Variants in JAM3 observed in about 807,000 individuals in gnomAD.
The protein encoded by JAM3 is junctional adhesion molecule C.
A neutral mutation model predicts 39.4 loss-of-function variants in JAM3; 31 were observed. The observed-to-expected ratio is 0.79, with a 90% confidence interval of 0.59 to 1.06. JAM3 has a LOEUF of 1.06. JAM3 is among the 50% of genes least tolerant of loss of function. JAM3 has a pLI of 0.00. For missense variants in JAM3, 455 were observed against 391.4 expected, an observed-to-expected ratio of 1.16 and a Z score of -1.37; for synonymous variants, 182 against 148.7, an observed-to-expected ratio of 1.22 and a Z score of -1.63.
chr11:134,130,084 A>C (rs1392382059), intron 1 of JAM3, among the ~76,000 whole-genome samples: 1 of 152,192 alleles, frequency 6.6e-6, no homozygotes, highest in East Asian at 1.9e-4. Flanking sequence ...TGAAGATGGA[A>C]TTATAAGCAC....
At position 134,138,399 on chromosome 11, in the gene JAM3, CG is replaced by C. The variant is rs1565502910; in HGVS notation, c.77-1451del. 7.4e-3 allele frequency among the ~76,000 whole-genome samples: 845 copies of C among 114,802 alleles called. 33 individuals carry two copies. Among genetic ancestry groups the C allele is most frequent in the African/African-American group, 0.03 (795 of 26,672 alleles). The allele number at this position is 114,802 out of a possible 152,430, so 75.3% of individuals were successfully genotyped here. A position where few individuals can be genotyped will look rare whatever the true frequency, so the allele number is the denominator to read the frequency against. On this transcript the variant is annotated intron_variant, in intron 1 of 8. Transcript: ENST00000299106. ...CTTAGAGCCAGTGGTGGTGTCTCGT[CG>C]AAGTCGTGGTGCTCATACTGGAAGA...
At chr11:134,075,115 A>G (rs1305121457) in intron 1 of JAM3, among the ~76,000 whole-genome samples, 3 of 151,814 alleles carry the variant, frequency 2.0e-5, no homozygotes, top group African/African-American at 4.8e-5. Flanking sequence ...GCAGTAAAGC[A>G]TTCCATGGGC....
chr11:134,074,355 G>A (rs1451580879), intron 1 of JAM3, among the ~76,000 whole-genome samples: 1 of 152,218 alleles, frequency 6.6e-6, no homozygotes, highest in Non-Finnish European at 1.5e-5. Flanking sequence ...TTGGCTTCCA[G>A]TAGATACAAT....
intron 1 of JAM3, among the ~76,000 whole-genome samples, chr11:134,121,863 A>C (rs1298776259): frequency 6.8e-6 from 1 of 148,076 alleles, no homozygotes; most frequent in Non-Finnish European, 1.5e-5. Flanking sequence ...CCTCCTCCCA[A>C]ACAAAATTCA....
At chr11:134,089,493 G>A (rs1284707031) in intron 1 of JAM3, among the ~76,000 whole-genome samples, 3 of 151,946 alleles carry the variant, frequency 2.0e-5, no homozygotes, top group Non-Finnish European at 4.4e-5. Flanking sequence ...GGTGTTTGAT[G>A]TTCCCCTTCC....
chr11:134,111,465 A>C (rs1316831757), intron 1 of JAM3, among the ~76,000 whole-genome samples: 1 of 152,170 alleles, frequency 6.6e-6, no homozygotes, highest in African/African-American at 2.4e-5. Flanking sequence ...TTGTGCCATT[A>C]TGCACAATCA....
rs187855055 is a variant in JAM3 at position 134,136,910 on chromosome 11, G to A, written c.77-2941G>A. ...GGACGGATCACAAGGTCAGGAGATC[G>A]AGACCATCCTGGCTAACACGGTGAA... On this transcript the variant is annotated intron_variant, in intron 1 of 8. Coordinates refer to ENST00000299106, the MANE Select transcript of JAM3 (RefSeq NM_032801.5). Among the ~76,000 whole-genome samples the A allele has an allele frequency of 1.7e-3, 261 of 152,202 alleles. 5 individuals carry two copies. In the South Asian group the frequency reaches 0.026, roughly 15 times the overall value.
chr11:134,139,958 C>G, intron 2 of JAM3, 42 bp downstream of exon 2: 1 of 1,463,378 alleles, frequency 6.8e-7, no homozygotes. Context: ...GCACCATCTA[C>G]TGGACATTTG....
At position 134,151,499 on chromosome 11, in the gene JAM3, T is replaced by A. The variant is rs1232496949; in HGVS notation, c.*2318T>A. The stretch of plus-strand genomic sequence containing the variant: ...CCTAAAACCTTCTACACTAGTGCCA[T>A]GGGAACCAGGTCTGAAAAAGTAGAG... On this transcript the variant is annotated 3_prime_UTR_variant, in exon 9 of 9. Transcript: ENST00000299106. The A allele has an allele frequency of 6.6e-6, 1 of 152,176 alleles. No homozygotes were observed. Among genetic ancestry groups the A allele is most frequent in the Admixed American group, 6.5e-5 (1 of 15,282 alleles). The allele number at this position is 152,176 out of a possible 1,614,324, so 9.4% of individuals were successfully genotyped here.
chr11:134,132,335 C>G (rs766469526), intron 1 of JAM3, among the ~76,000 whole-genome samples: 2 of 152,110 alleles, frequency 1.3e-5, no homozygotes, highest in Admixed American at 6.5e-5. Context: ...CAAAACCATC[C>G]TTCAACTATG....
At chr11:134,145,029 T>A in intron 5 of JAM3, 35 bp downstream of exon 5, 1 of 1,520,858 alleles carries the variant, frequency 6.6e-7, no homozygotes, top group Non-Finnish European at 9.1e-7. Flanking sequence ...GATGGAGATG[T>A]CTTTGTTGGG....
chr11:134,110,512 ATAAT>A (rs1341593776), intron 1 of JAM3, among the ~76,000 whole-genome samples: 2 of 152,256 alleles, frequency 1.3e-5, no homozygotes, highest in Non-Finnish European at 2.9e-5. Context: ...GAATCTCAAA[ATAAT>A]TATGCTGAGT....
intron 1 of JAM3, chr11:134,124,344 TGTGA>T: frequency 1.3e-6 from 1 of 743,698 alleles, no homozygotes; most frequent in Non-Finnish European, 2.5e-6. Context: ...AAATGAAAAA[TGTGA>T]GTGTGCGTGT....
Position 134,143,944 on chromosome 11 carries a change from G to A in JAM3, c.257-297G>A, listed in dbSNP as rs887985006. Among the ~76,000 whole-genome samples, 8 of 152,140 alleles carry A rather than the reference G, an allele frequency of 5.3e-5. 1 individual carries two copies. The highest frequency in any genetic ancestry group is 5.2e-4 in the Admixed American group (8 of 15,278). On this transcript the variant is annotated intron_variant, in intron 3 of 8. Coordinates refer to ENST00000299106, the MANE Select transcript of JAM3 (RefSeq NM_032801.5). Reference sequence around the variant, plus strand: ...TAGTGGTGTTTTTTTCTATTCATGGGCGGTCCTTCCTGGAAATGAGGAGGA... The same window carrying A: ...TAGTGGTGTTTTTTTCTATTCATGGACGGTCCTTCCTGGAAATGAGGAGGA...
At chr11:134,121,557 C>G (rs1337232638) in intron 1 of JAM3, among the ~76,000 whole-genome samples, 1 of 151,966 alleles carries the variant, frequency 6.6e-6, no homozygotes, top group Non-Finnish European at 1.5e-5. Flanking sequence ...GGCTGCACAC[C>G]TTTCAAATCA....
chr11:134,138,802 T>C (rs1942920769), intron 1 of JAM3, among the ~76,000 whole-genome samples: 1 of 152,238 alleles, frequency 6.6e-6, no homozygotes, highest in Non-Finnish European at 1.5e-5. Flanking sequence ...TGAATTATTG[T>C]TTAGGGCTTT....
chr11:134,146,680 AC>A (rs1282746234), intron 6 of JAM3, among the ~76,000 whole-genome samples: 1 of 152,036 alleles, frequency 6.6e-6, no homozygotes, highest in Non-Finnish European at 1.5e-5. Context: ...CCATTCTCCC[AC>A]CTCAGTCTCC....
At chr11:134,139,220 T>C (rs1254387637) in intron 1 of JAM3, among the ~76,000 whole-genome samples, 1 of 152,262 alleles carries the variant, frequency 6.6e-6, no homozygotes, top group Non-Finnish European at 1.5e-5. Context: ...ATGCAATTAG[T>C]TATCTTGCTT....
chr11:134,124,515 T>C (rs1259793784), intron 1 of JAM3, among the ~76,000 whole-genome samples: 1 of 152,214 alleles, frequency 6.6e-6, no homozygotes. Context: ...AAGCAAAGTA[T>C]TTAGAATCCA....
Sources: gnomAD v4.1 joint callset for allele counts (sites outside exome capture counted in the v4.1 genomes callset) on GRCh38, gnomAD v4.1.1 for gene constraint, MANE v1.5 for transcripts, NCBI Gene and HGNC (gene_info 2026-07-23, HGNC 2026-07-21) for gene names.